Variants in RGS6 observed in about 807,000 individuals in gnomAD.
RGS6 encodes regulator of G protein signaling 6.
A neutral mutation model predicts 78.5 loss-of-function variants in RGS6; 30 were observed. That is an observed-to-expected ratio of 0.38 (90% CI 0.29 to 0.52). The LOEUF (loss-of-function observed/expected upper bound fraction) is 0.52. Among genes scored for constraint, RGS6 ranks in the 20% least tolerant of loss-of-function variants. The probability of loss-of-function intolerance (pLI) is 0.85; values close to 1 mark genes in which losing one functional copy is unlikely to be tolerated. For missense variants in RGS6, 495 were observed against 609.7 expected, an observed-to-expected ratio of 0.81 and a Z score of 1.98; for synonymous variants, 206 against 206.0, an observed-to-expected ratio of 1.00 and a Z score of 0.00.
intron 2 of RGS6, among the ~76,000 whole-genome samples, chr14:72,113,085 C>CACACAT (rs57817784): frequency 0.33 from 49,639 of 151,502 alleles, 8,798 homozygotes; most frequent in East Asian, 0.4. Context: ...CACGCATGCA[C>CACACAT]GCATGCATGC....
At chr14:72,314,030 T>C (rs1284475108) in intron 2 of RGS6, among the ~76,000 whole-genome samples, 1 of 152,232 alleles carries the variant, frequency 6.6e-6, no homozygotes, top group Non-Finnish European at 1.5e-5. Context: ...CATTATTTTA[T>C]TCAGCATTCA....
the RGS6 span, among the ~76,000 whole-genome samples, chr14:72,592,169 C>T: frequency 2.0e-5 from 3 of 152,036 alleles, no homozygotes; most frequent in Non-Finnish European, 2.9e-5. Flanking sequence ...CCCTGAGATC[C>T]TCTGAAAATG....
chr14:72,056,282 C>T (rs1334765795), intron 2 of RGS6, among the ~76,000 whole-genome samples: 1 of 152,206 alleles, frequency 6.6e-6, no homozygotes, highest in African/African-American at 2.4e-5. Context: ...CTCAGCCCTG[C>T]TCATAGTATG....
intron 2 of RGS6, among the ~76,000 whole-genome samples, chr14:72,045,053 C>A (rs1940886961): frequency 6.6e-6 from 1 of 152,172 alleles, no homozygotes; most frequent in Admixed American, 6.5e-5. Flanking sequence ...GCCATGCTAC[C>A]AGCTTCCCTG....
intron 3 of RGS6, among the ~76,000 whole-genome samples, chr14:72,396,458 G>A (rs1338535992): frequency 6.6e-6 from 1 of 152,152 alleles, no homozygotes; most frequent in Admixed American, 6.5e-5. Context: ...TTTGTCAGAT[G>A]AGTAGGTTGC....
Position 71,964,494 on chromosome 14 carries a change from G to A in RGS6, c.-20-278G>A, listed in dbSNP as rs184205335. ...GCACTCTAGCCTGGGCAATAAGAGC[G>A]AAACTCTGTCTCAAAAAAAAACAAA... is the stretch of plus-strand genomic sequence containing the variant. On this transcript the variant is annotated intron_variant, in intron 1 of 17. Coordinates refer to ENST00000553525, the MANE Select transcript of RGS6 (RefSeq NM_001204424.2). Among the ~76,000 whole-genome samples, 416 of 152,026 alleles carry A rather than the reference G, an allele frequency of 2.7e-3. 1 individual carries two copies. The highest frequency in any genetic ancestry group is 9.5e-3 in the African/African-American group (396 of 41,480).
chr14:71,912,345 T>A, the RGS6 span, among the ~76,000 whole-genome samples: 16 of 152,312 alleles, frequency 1.1e-4, no homozygotes, highest in Admixed American at 9.1e-4. Context: ...AGGGGGCCTG[T>A]TCAATTGGTT....
chr14:72,375,083 A>C (rs2084366251), intron 3 of RGS6, among the ~76,000 whole-genome samples: 1 of 152,226 alleles, frequency 6.6e-6, no homozygotes, highest in African/African-American at 2.4e-5. Flanking sequence ...GGCAGAAACA[A>C]ATAATATGAA....
At chr14:72,326,734 G>A (rs576119974) in intron 2 of RGS6, among the ~76,000 whole-genome samples, 4 of 152,134 alleles carry the variant, frequency 2.6e-5, no homozygotes, top group Admixed American at 1.3e-4. Context: ...ATGGAGTCTC[G>A]CTCTGTCCCC....
chr14:72,398,760 C>G (rs1234661524), intron 3 of RGS6, among the ~76,000 whole-genome samples: 2 of 152,078 alleles, frequency 1.3e-5, no homozygotes, highest in Non-Finnish European at 2.9e-5. Flanking sequence ...TGTTTTTGTT[C>G]TTGTTGGTTT....
chr14:72,178,922 G>A (rs952374182), intron 2 of RGS6, among the ~76,000 whole-genome samples: 2 of 152,250 alleles, frequency 1.3e-5, no homozygotes, highest in Non-Finnish European at 2.9e-5. Context: ...TGATCTTGGG[G>A]AAAGTCCCCG....
At chr14:72,395,027 T>A (rs1280958876) in intron 3 of RGS6, among the ~76,000 whole-genome samples, 1 of 152,146 alleles carries the variant, frequency 6.6e-6, no homozygotes, top group South Asian at 2.1e-4. Context: ...CCTGCAACAA[T>A]AATTATTTAT....
chr14:72,610,888 A>G, the RGS6 span, among the ~76,000 whole-genome samples: 88 of 152,326 alleles, frequency 5.8e-4, no homozygotes, highest in Non-Finnish European at 9.6e-4. Context: ...CACCCCTTCC[A>G]CCAGCAGGGC....
intron 3 of RGS6, among the ~76,000 whole-genome samples, chr14:72,434,396 T>G (rs1049114512): frequency 9.9e-5 from 15 of 152,210 alleles, no homozygotes; most frequent in African/African-American, 2.4e-5. Flanking sequence ...AAGCCCTACC[T>G]CCTTCAGCAA....
intron 2 of RGS6, among the ~76,000 whole-genome samples, chr14:72,007,928 C>T (rs993717096): frequency 2.0e-5 from 3 of 152,126 alleles, no homozygotes; most frequent in Admixed American, 6.6e-5. Context: ...TGCAGAGAGG[C>T]CTTTGGACCA....
chr14:72,389,640 A>G (rs2089385334), intron 3 of RGS6, among the ~76,000 whole-genome samples: 1 of 152,184 alleles, frequency 6.6e-6, no homozygotes, highest in Non-Finnish European at 1.5e-5. Context: ...ACTAATCGTC[A>G]TGAGTGGTAG....
chr14:72,567,350 A>G (rs1412461735), downstream of RGS6, among the ~76,000 whole-genome samples: 2 of 152,294 alleles, frequency 1.3e-5, no homozygotes, highest in East Asian at 3.9e-4. Flanking sequence ...CTCTTTGACC[A>G]TGGCCACCAC....
rs2097705397 is a variant in RGS6, at chr14:72,565,399, C to T, written c.*2932C>T. The T allele has an allele frequency of 6.6e-6, 1 of 152,264 alleles. No homozygotes were observed. The highest frequency in any genetic ancestry group is 6.5e-5 in the Admixed American group (1 of 15,288). The allele number at this position is 152,264 out of a possible 1,614,324, so 9.4% of individuals were successfully genotyped here. A position where few individuals can be genotyped will look rare whatever the true frequency, so the allele number is the denominator to read the frequency against. ...TTGTAGGCTGGCACATATAAACGTC[C>T]AGCCGCAGCCAGATGGCCTGAACTA... On this transcript the variant is annotated 3_prime_UTR_variant, in exon 18 of 18. Transcript: ENST00000553525.
chr14:72,153,135 C>G (rs975063421), intron 2 of RGS6, among the ~76,000 whole-genome samples: 1 of 152,090 alleles, frequency 6.6e-6, no homozygotes, highest in African/African-American at 2.4e-5. Flanking sequence ...GGGAAATTAT[C>G]CCACTTCAAA....
Sources: gnomAD v4.1 joint callset for allele counts (sites outside exome capture counted in the v4.1 genomes callset) on GRCh38, gnomAD v4.1.1 for gene constraint, MANE v1.5 for transcripts, NCBI Gene and HGNC (gene_info 2026-07-23, HGNC 2026-07-21) for gene names.